Variants in COQ5 observed in about 807,000 individuals in gnomAD.
COQ5 encodes coenzyme Q5, methyltransferase, also known as 2-methoxy-6-polyprenyl-1,4-benzoquinol methylase, mitochondrial.
A neutral mutation model predicts 40.5 loss-of-function variants in COQ5; 27 were observed. That is an observed-to-expected ratio of 0.67 (90% confidence interval 0.49 to 0.92). The LOEUF is 0.92. Among genes scored for constraint, COQ5 ranks in the 40% least tolerant of loss-of-function variants. COQ5 has a pLI of 0.00. For missense variants in COQ5, 409 were observed against 406.4 expected (o/e 1.01, Z -0.06); for synonymous variants, 141 against 150.0 (o/e 0.94, Z 0.44).
At chr12:120,522,003 A>C (rs1401744700) in intron 2 of COQ5, among the ~76,000 whole-genome samples, 1 of 152,182 alleles carries the variant, frequency 6.6e-6, no homozygotes, top group African/African-American at 2.4e-5. Flanking sequence ...ATCTCAAAAA[A>C]AAAAAAGTGA....
intron 4 of COQ5, among the ~76,000 whole-genome samples, chr12:120,506,019 C>T (rs1477328106): frequency 1.3e-5 from 2 of 152,088 alleles, no homozygotes; most frequent in Non-Finnish European, 2.9e-5. Context: ...CCACACCCAA[C>T]TAATTTTGTG....
intron 3 of COQ5, among the ~76,000 whole-genome samples, chr12:120,514,126 C>T (rs1017326592): frequency 2.0e-5 from 3 of 152,038 alleles, no homozygotes; most frequent in South Asian, 2.1e-4. Context: ...ACATGTTTGT[C>T]AGTAGGAGTA....
Position 120,503,721 on chromosome 12 carries a change from T to G in COQ5, c.*63A>C, listed in dbSNP as rs776862429. 3.2e-6 allele frequency: 4 copies of G among 1,232,894 alleles called. No homozygotes were observed. The highest frequency in any genetic ancestry group is 4.8e-6 in the Non-Finnish European group (4 of 836,376). 76.4% of individuals were successfully genotyped at this position (1,232,894 alleles called of 1,614,324 possible). A position where few individuals can be genotyped will look rare whatever the true frequency, so the allele number is the denominator to read the frequency against. On this transcript the variant is annotated 3_prime_UTR_variant, in exon 7 of 7. Coordinates refer to ENST00000288532, the MANE Select transcript of COQ5 (RefSeq NM_032314.4). The stretch of plus-strand genomic sequence containing the variant: ...TCTGCTGCTGTCTCATTTGCCAGAT[T>G]ATCCTTCAGTTCCAGGCTTTCAACA...
chr12:120,528,333 T>TA (rs1395539444), intron 1 of COQ5, among the ~76,000 whole-genome samples: 9 of 152,234 alleles, frequency 5.9e-5, no homozygotes, highest in Admixed American at 4.6e-4. Context: ...CACTTACTGA[T>TA]ATGTTCAACT....
chr12:120,504,003 G>A lies in COQ5; in HGVS notation c.849C>T (p.Tyr283=). 6.2e-7 allele frequency: 1 copy of A among 1,613,276 alleles called. No individual in the cohort carries two copies. Among genetic ancestry groups the A allele is most frequent in the Non-Finnish European group, 8.5e-7 (1 of 1,179,228 alleles). Residue 283 remains tyrosine, a synonymous_variant, in exon 6 of 7, where the codon TAC becomes TAT. Transcript: ENST00000288532. ...VIAGDWKSYQ[Y]LVESIRRFPS... is the part of the protein sequence containing the mutation. The stretch of plus-strand genomic sequence containing the variant: ...GAAACCTTCGGATACTCTCTACAAG[G>A]TACTGATAGGACTTCCAGTCTCCAG...
intron 1 of COQ5, among the ~76,000 whole-genome samples, chr12:120,525,825 T>C (rs1303010572): frequency 6.6e-6 from 1 of 151,998 alleles, no homozygotes; most frequent in Non-Finnish European, 1.5e-5. Context: ...CTCGGGAGGC[T>C]GAGGCAGGAG....
chr12:120,503,453 A>G lies in COQ5; in HGVS notation c.*331T>C, dbSNP rs1366640603. The G allele has an allele frequency of 2.2e-6, 1 of 446,672 alleles. No individual in the cohort carries two copies. 27.7% of individuals were successfully genotyped at this position (446,672 alleles called of 1,614,324 possible). On this transcript the variant is annotated 3_prime_UTR_variant, in exon 7 of 7. Transcript: ENST00000288532. Reference sequence around the variant, plus strand: ...TATCATCCCTCTAGAAGGCAGCACCAGCAGAGAAGCTATAAATACACTCAC... The same window carrying G: ...TATCATCCCTCTAGAAGGCAGCACCGGCAGAGAAGCTATAAATACACTCAC...
intron 4 of COQ5, among the ~76,000 whole-genome samples, chr12:120,507,989 A>T (rs1868954553): frequency 6.6e-6 from 1 of 151,944 alleles, no homozygotes; most frequent in Admixed American, 6.6e-5. Flanking sequence ...CTTTTATTCT[A>T]TCCATCTATC....
intron 2 of COQ5, among the ~76,000 whole-genome samples, chr12:120,520,989 G>A (rs1869620150): frequency 6.6e-6 from 1 of 151,152 alleles, no homozygotes; most frequent in East Asian, 1.9e-4. Context: ...TAAAGGTTAA[G>A]CAGAAGATAA....
rs138814195 is a variant in COQ5, at chr12:120,522,206, G to T, written c.352+8C>A. On this transcript the variant is annotated splice_region_variant and intron_variant, in intron 2 of 6. Transcript: ENST00000288532. ...AATGGTAGTGAAGGATACCAAACTC[G>T]ACATTACCTGTGCCTCCAGCAACAT... 4 of 1,613,876 alleles carry T rather than the reference G, an allele frequency of 2.5e-6. No individual in the cohort carries two copies. In the South Asian group the frequency reaches 3.3e-5, roughly 13 times the overall value.
chr12:120,514,404 A>G (rs1869282063), intron 3 of COQ5, among the ~76,000 whole-genome samples: 1 of 152,048 alleles, frequency 6.6e-6, no homozygotes, highest in Non-Finnish European at 1.5e-5. Flanking sequence ...CACAGTGGCC[A>G]TCTGTGGTCC....
At chr12:120,522,915 C>T (rs574362030) in intron 1 of COQ5, 35 of 697,052 alleles carry the variant, frequency 5.0e-5, no homozygotes, top group African/African-American at 2.1e-4. Context: ...AGCGTCAGCA[C>T]GTGCACTCGT....
At chr12:120,516,865 CA>C (rs760078339) in intron 2 of COQ5, 77 bp from the exon 3 acceptor site, 356 of 1,301,028 alleles carry the variant, frequency 2.7e-4, no homozygotes, top group Non-Finnish European at 3.7e-4. Context: ...TCCTAAAACC[CA>C]AAGGGGTAAC....
At position 120,523,109 on chromosome 12, in the gene COQ5, C is replaced by A. The variant is rs4767911; in HGVS notation, c.203-746G>T. 1.3e-5 allele frequency: 4 copies of A among 319,186 alleles called. No individual in the cohort carries two copies. In the East Asian group the frequency reaches 2.1e-4, roughly 17 times the overall value. The allele number at this position is 319,186 out of a possible 1,614,324, so 19.8% of individuals were successfully genotyped here. A position where few individuals can be genotyped will look rare whatever the true frequency, so the allele number is the denominator to read the frequency against. On this transcript the variant is annotated intron_variant, in intron 1 of 6. Transcript: ENST00000288532. ...ATCCCAGCACTTTGGGAGGCTGAGG[C>A]GGGCGGATCACGAGGTCAGGAGATC...
At chr12:120,525,881 T>C (rs551523745) in intron 1 of COQ5, among the ~76,000 whole-genome samples, 55 of 151,876 alleles carry the variant, frequency 3.6e-4, no homozygotes, top group Non-Finnish European at 6.8e-4. Flanking sequence ...GCTGAGATCG[T>C]GCCACCGCAC....
At chr12:120,507,397 C>G (rs149070883) in intron 4 of COQ5, among the ~76,000 whole-genome samples, 1,958 of 151,034 alleles carry the variant, frequency 0.013, 21 homozygotes, top group Non-Finnish European at 0.023. Context: ...CGATTCTTCT[C>G]CCTCAGCCTC....
At position 120,510,021 on chromosome 12, in the gene COQ5, T is replaced by C. The variant is rs138310258; in HGVS notation, c.677A>G (p.Asp226Gly). Residue 226 changes from aspartate (D) to glycine (G), a missense_variant, in exon 4 of 7, where the codon GAT (aspartate) becomes GGT (glycine). By Grantham distance (94) the Asp-to-Gly change is moderately conservative (BLOSUM62 -1). Coordinates refer to ENST00000288532, the MANE Select transcript of COQ5 (RefSeq NM_032314.4). ...TGAGGATGCAGCCATTCATACCTGA[T>C]CAATGTGTGTGACATTCCGGATCCC... ...AFGIRNVTHI[D>G]QALQEAHRVL... The C allele has an allele frequency of 1.9e-5, 30 of 1,612,242 alleles. No homozygotes were observed. In the Middle Eastern group the frequency reaches 9.9e-4, roughly 53 times the overall value.
intron 3 of COQ5, among the ~76,000 whole-genome samples, chr12:120,515,483 T>C (rs1159290021): frequency 6.6e-6 from 1 of 152,220 alleles, no homozygotes; most frequent in African/African-American, 2.4e-5. Flanking sequence ...TATCTGCTGT[T>C]CGTATTTACC....
At chr12:120,527,429 T>C (rs961871287) in intron 1 of COQ5, 1 of 152,266 alleles carries the variant, frequency 6.6e-6, no homozygotes, top group East Asian at 1.9e-4. Flanking sequence ...CACTATACAT[T>C]TATAACTGAC....
Sources: gnomAD v4.1 joint callset for allele counts (sites outside exome capture counted in the v4.1 genomes callset) on GRCh38, gnomAD v4.1.1 for gene constraint, MANE v1.5 for transcripts, NCBI Gene and HGNC (gene_info 2026-07-23, HGNC 2026-07-21) for gene names.